Variants in SPTBN5 observed in about 807,000 individuals in gnomAD.
SPTBN5 encodes the protein spectrin beta, non-erythrocytic 5.
Under a neutral mutation model 477.6 loss-of-function variants are expected in SPTBN5, and 513 were observed. The ratio of observed to expected loss-of-function variants is 1.07; its 90% CI spans 1.00 to 1.16. The LOEUF is 1.16. Among genes scored for constraint, SPTBN5 ranks in the 50% most tolerant of loss-of-function variants. SPTBN5 has a pLI of 0.00. For synonymous variants in SPTBN5, 2,169 were observed against 2,011.7 expected, an observed-to-expected ratio of 1.08 and a Z score of -2.09; for missense variants, 5,062 against 4,731.8, an observed-to-expected ratio of 1.07 and a Z score of -2.05.
rs530801942 is a variant in SPTBN5, at chr15:41,850,120, T to C, written c.10922-161A>G. 429 of 634,584 alleles carry C rather than the reference T, an allele frequency of 6.8e-4. 1 individual carries two copies. The African/African-American group carries it at 7.4e-3, about 11-fold the overall frequency. 39.3% of individuals were successfully genotyped at this position (634,584 alleles called of 1,614,324 possible). A position where few individuals can be genotyped will look rare whatever the true frequency, so the allele number is the denominator to read the frequency against. On this transcript the variant is annotated intron_variant, in intron 66 of 67. Transcript: ENST00000320955. ...TGGGGGTGTGGGGCGGGCTGAGCAC[T>C]TGTGGGCAGGTTTTTCCCCCATGCG...
In SPTBN5 at chr15:41,862,632, C is replaced by G. The variant is rs748176295; in HGVS notation, c.7292G>C (p.Cys2431Ser). Residue 2431 changes from cysteine to serine, a missense_variant, in exon 43 of 68, where the codon TGC (cysteine) becomes TCC (serine). Coordinates refer to ENST00000320955, the MANE Select transcript of SPTBN5 (RefSeq NM_016642.4). The stretch of plus-strand genomic sequence containing the variant: ...GTGGGCTGCCTCGGGGCTTCTTTGG[C>G]AGAGGCGGCCCACTTCACGCTCTAG... ...ESLEREVGRL[C>S]QRSPEAAHGL... The G allele has an allele frequency of 3.9e-6, 6 of 1,555,706 alleles. No individual in the cohort carries two copies. In the South Asian group the frequency reaches 5.9e-5, roughly 15 times the overall value.
chr15:41,864,070 G>A, intron 39 of SPTBN5, 46 bp from the exon 40 acceptor site: 3 of 1,507,634 alleles, frequency 2.0e-6, no homozygotes, highest in Admixed American at 1.8e-5. Context: ...CCCATGCAGA[G>A]CCCCTTCTTC....
At chr15:41,881,848 A>C in intron 12 of SPTBN5, 88 bp downstream of exon 12, 1 of 1,313,606 alleles carries the variant, frequency 7.6e-7, no homozygotes. Context: ...GCCAGAGGCC[A>C]CAAAGGCCCT....
At chr15:41,880,978 C>T (rs2066930669) in intron 13 of SPTBN5, 56 bp downstream of exon 13, 2 of 1,476,518 alleles carry the variant, frequency 1.4e-6, no homozygotes, top group South Asian at 2.5e-5. Flanking sequence ...GATCACTGCA[C>T]AGGAGCTGCT....
At chr15:41,854,008 G>T in intron 57 of SPTBN5, 42 bp downstream of exon 57, 1 of 1,526,150 alleles carries the variant, frequency 6.6e-7, no homozygotes, top group Non-Finnish European at 8.8e-7. Context: ...ACCGCCTTCG[G>T]GCAGGGGCTC....
chr15:41,848,713 C>T (rs893810648), intron 67 of SPTBN5, 85 bp from the exon 68 acceptor site: 24 of 1,499,402 alleles, frequency 1.6e-5, no homozygotes, highest in Non-Finnish European at 2.0e-5. Context: ...CCCCTGCCCT[C>T]CCCTGGACCA....
chr15:41,863,831 T>G lies in SPTBN5; in HGVS notation c.7035-13A>C. 6.2e-7 allele frequency: 1 copy of G among 1,613,354 alleles called. No homozygotes were observed. ...GAAACTCGCCCACCTGGCCAAGGGG[T>G]GGTGGTGTCATGTGGAGCCTGAGGT... On this transcript the variant is annotated splice_polypyrimidine_tract_variant and intron_variant, in intron 40 of 67. Coordinates refer to ENST00000320955, the MANE Select transcript of SPTBN5 (RefSeq NM_016642.4).
At chr15:41,871,694 C>T (rs2066541730) in intron 28 of SPTBN5, 88 bp downstream of exon 28, 7 of 1,433,548 alleles carry the variant, frequency 4.9e-6, no homozygotes, top group Non-Finnish European at 6.4e-6. Flanking sequence ...TCTGCTGCCA[C>T]CTTCTTCCTC....
chr15:41,892,760 C>A (rs772704043), intron 3 of SPTBN5, 134 bp downstream of exon 3: 248 of 1,028,284 alleles, frequency 2.4e-4, no homozygotes, highest in South Asian at 1.1e-3. Flanking sequence ...TGTGTCCCAG[C>A]CACTCCTCCT....
chr15:41,887,492 C>A, intron 5 of SPTBN5, 51 bp from the exon 6 acceptor site: 1 of 1,387,450 alleles, frequency 7.2e-7, no homozygotes, highest in Non-Finnish European at 1.0e-6. Context: ...TACTGCTTTC[C>A]TTTAAGTAGA....
At chr15:41,882,866 AC>A in intron 9 of SPTBN5, 128 bp from the exon 10 acceptor site, 1 of 1,387,172 alleles carries the variant, frequency 7.2e-7, no homozygotes, top group East Asian at 2.5e-5. Context: ...AACAGGTGAG[AC>A]GGAGGCTTTG....
chr15:41,850,871 G>C lies in SPTBN5; in HGVS notation c.10904C>G (p.Ala3635Gly). 6.2e-7 allele frequency: 1 copy of C among 1,600,162 alleles called. No homozygotes were observed. Among genetic ancestry groups the C allele is most frequent in the South Asian group, 1.1e-5 (1 of 88,260 alleles). The change falls in exon 66 of 68, where the codon GCC becomes GGC. Residue 3635 changes from alanine (A) to glycine (G), a missense_variant. Coordinates refer to ENST00000320955, the MANE Select transcript of SPTBN5 (RefSeq NM_016642.4). ...AAGCCCACCTGCAGTGCTGCCCAGG[G>C]CTCGCCACCAGCTCTCAGCCTGCTC... ...SEEQAESWWRALGSTAAQSLS... is the reference protein window; with the variant it reads ...SEEQAESWWRGLGSTAAQSLS...
At chr15:41,874,080 A>T (rs959892427) in intron 24 of SPTBN5, 35 bp from the exon 25 acceptor site, 1 of 1,556,818 alleles carries the variant, frequency 6.4e-7, no homozygotes, top group Non-Finnish European at 8.6e-7. Context: ...TGCTGCTCTT[A>T]ACCCAGGGGC....
rs867615220 is a variant in SPTBN5 at position 41,867,005 on chromosome 15, A to T, written c.6434T>A (p.Leu2145Gln). ...GCTGGCCATCAGCAGGGAGGCATGCAGGGCGTGTCCCCGGCTCTCCGCCAG... is the reference window on the plus strand; with the variant it reads ...GCTGGCCATCAGCAGGGAGGCATGCTGGGCGTGTCCCCGGCTCTCCGCCAG... ...KELAESRGHA[L>Q]HASLLMASFT... Residue 2145 changes from leucine (L) to glutamine (Q), a missense_variant, in exon 36 of 68, where the codon CTG (leucine) becomes CAG (glutamine). Leu to Gln is a moderately radical substitution (Grantham distance 113). Transcript: ENST00000320955. 5.1e-6 allele frequency: 8 copies of T among 1,565,484 alleles called. No homozygotes were observed. The highest frequency in any genetic ancestry group is 1.4e-5 in the African/African-American group (1 of 73,790).
chr15:41,858,786 T>TTTCCCC, intron 48 of SPTBN5, 38 bp from the exon 49 acceptor site: 1 of 1,590,576 alleles, frequency 6.3e-7, no homozygotes, highest in Non-Finnish European at 8.6e-7. Context: ...TGTCCAGGGC[T>TTTCCCC]TTCCCCTTCC....
At chr15:41,873,425 G>T in intron 26 of SPTBN5, 67 bp downstream of exon 26, 1 of 1,225,754 alleles carries the variant, frequency 8.2e-7, no homozygotes, top group Non-Finnish European at 1.2e-6. Flanking sequence ...GAGGGAGGGT[G>T]ACAGCCCTCT....
Position 41,852,928 on chromosome 15 carries a change from G to C in SPTBN5, c.10243C>G (p.Arg3415Gly). 11 of 1,590,148 alleles carry C rather than the reference G, an allele frequency of 6.9e-6. No homozygotes were observed. The highest frequency in any genetic ancestry group is 9.4e-6 in the Non-Finnish European group (11 of 1,169,288). ...TGCAGGCCCCAGCTCTCGGCACAGCGTTGCCAGCGCAGGGCCCAAGCCTCC... is the reference window on the plus strand; with the variant it reads ...TGCAGGCCCCAGCTCTCGGCACAGCCTTGCCAGCGCAGGGCCCAAGCCTCC... ...LEEAWALRWQ[R>G]CAESWGLQKL... Residue 3415 changes from arginine (R) to glycine (G), a missense_variant, in exon 60 of 68, where the codon CGC becomes GGC. Physicochemically the swap from Arg to Gly is moderately radical, Grantham distance 125 (BLOSUM62 -2). Transcript: ENST00000320955.
chr15:41,880,578 C>T (rs2066915169), intron 13 of SPTBN5, among the ~76,000 whole-genome samples: 1 of 152,222 alleles, frequency 6.6e-6, no homozygotes, highest in African/African-American at 2.4e-5. Context: ...TGAAACCTCT[C>T]AGTGCCAGCC....
In SPTBN5 at chr15:41,868,415, C is replaced by T. The variant is rs2140938685; in HGVS notation, c.6040G>A (p.Gly2014Arg). The T allele has an allele frequency of 6.2e-7, 1 of 1,604,394 alleles. No individual in the cohort carries two copies. Among genetic ancestry groups the T allele is most frequent in the Non-Finnish European group, 8.5e-7 (1 of 1,174,430 alleles). ...QLGQQALLAA[G>R]TPTKEVQEEL... The stretch of plus-strand genomic sequence containing the variant: ...GGGCCCACCTCCTTGGTGGGTGTCC[C>T]TGCAGCAAGAAGTGCCTGCTGCCCC... Residue 2014 changes from glycine (G) to arginine (R), a missense_variant, in exon 33 of 68, where the codon GGG becomes AGG. By Grantham distance (125) the Gly-to-Arg change is moderately radical (BLOSUM62 -2). Coordinates refer to ENST00000320955, the MANE Select transcript of SPTBN5 (RefSeq NM_016642.4).
Sources: gnomAD v4.1 joint callset for allele counts (sites outside exome capture counted in the v4.1 genomes callset) on GRCh38, gnomAD v4.1.1 for gene constraint, MANE v1.5 for transcripts, NCBI Gene and HGNC (gene_info 2026-07-23, HGNC 2026-07-21) for gene names.